MACROD2: variants seen among roughly 807,000 people sequenced by gnomAD.
The protein encoded by MACROD2 is ADP-ribose glycohydrolase MACROD2.
Under a neutral mutation model 70.4 loss-of-function variants are expected in MACROD2, and 36 were observed. The ratio of observed to expected loss-of-function variants is 0.51; its 90% CI spans 0.39 to 0.68. The LOEUF (loss-of-function observed/expected upper bound fraction) is 0.68, where lower values mean the gene tolerates loss of function less well. Among genes scored for constraint, MACROD2 ranks in the 30% least tolerant of loss-of-function variants. The pLI is 0.00. For missense variants in MACROD2, 496 were observed against 538.4 expected (o/e 0.92, Z 0.78); for synonymous variants, 172 against 178.8 (o/e 0.96, Z 0.30).
In MACROD2 at chr20:14,440,003, C is replaced by A. The variant is rs571793119; in HGVS notation, c.272-53476C>A. Among the ~76,000 whole-genome samples, 123 of 152,218 alleles carry A rather than the reference C, an allele frequency of 8.1e-4. No homozygotes were observed. The South Asian group carries it at 0.012, about 15-fold the overall frequency. ...ACAAGAGGCCACAGTAATCCCACAT[C>A]CCGTAGGTCATCTCTGAGATCACTG... On this transcript the variant is annotated intron_variant, in intron 3 of 17. Transcript: ENST00000684519.
chr20:14,059,059 C>T (rs1020996513), intron 2 of MACROD2, among the ~76,000 whole-genome samples: 16 of 152,012 alleles, frequency 1.1e-4, no homozygotes, highest in African/African-American at 3.4e-4. Flanking sequence ...AACTTTAATT[C>T]TCCTGAAAAC....
intron 5 of MACROD2, among the ~76,000 whole-genome samples, chr20:14,990,504 T>G (rs1225694401): frequency 4.0e-5 from 6 of 149,642 alleles, no homozygotes; most frequent in Non-Finnish European, 8.9e-5. Context: ...TTCCTTTTTT[T>G]TTTTCTTTTT....
At chr20:15,632,821 C>G (rs1568941329) in intron 8 of MACROD2, among the ~76,000 whole-genome samples, 1 of 151,466 alleles carries the variant, frequency 6.6e-6, no homozygotes, top group Non-Finnish European at 1.5e-5. Flanking sequence ...CTCCTTTCCT[C>G]CCTCCTTCCC....
intron 5 of MACROD2, among the ~76,000 whole-genome samples, chr20:15,135,362 C>T (rs902151170): frequency 7.2e-5 from 11 of 151,842 alleles, no homozygotes; most frequent in African/African-American, 2.7e-4. Context: ...AAAGCTTATC[C>T]ACCATGATCA....
chr20:15,536,608 T>C (rs943628140), intron 8 of MACROD2, among the ~76,000 whole-genome samples: 1 of 152,176 alleles, frequency 6.6e-6, no homozygotes, highest in Non-Finnish European at 1.5e-5. Context: ...CCATTATTCA[T>C]ATGATTAAGA....
At chr20:14,677,518 A>G (rs535911290) in intron 4 of MACROD2, among the ~76,000 whole-genome samples, 1 of 152,328 alleles carries the variant, frequency 6.6e-6, no homozygotes, top group African/African-American at 2.4e-5. Context: ...TGCCTTAGTT[A>G]ACCATCTGCC....
intron 8 of MACROD2, among the ~76,000 whole-genome samples, chr20:15,534,040 G>A (rs933701572): frequency 1.3e-5 from 2 of 152,114 alleles, no homozygotes; most frequent in Non-Finnish European, 2.9e-5. Context: ...AGGCTAAAAA[G>A]CATTTCTTTG....
chr20:14,307,558 G>A (rs183236272), intron 3 of MACROD2, among the ~76,000 whole-genome samples: 3 of 148,540 alleles, frequency 2.0e-5, no homozygotes, highest in Admixed American at 1.3e-4. Context: ...TGAAATTTGA[G>A]GTTAATAAGT....
intron 8 of MACROD2, among the ~76,000 whole-genome samples, chr20:15,509,444 G>C (rs993785330): frequency 1.3e-5 from 2 of 152,162 alleles, no homozygotes; most frequent in Non-Finnish European, 2.9e-5. Context: ...GAGAGAGAAT[G>C]CAGTTTGCTC....
At chr20:15,415,781 A>T (rs1275048136) in intron 6 of MACROD2, among the ~76,000 whole-genome samples, 1 of 152,134 alleles carries the variant, frequency 6.6e-6, no homozygotes, top group Non-Finnish European at 1.5e-5. Flanking sequence ...CATCATCCAT[A>T]TATCCATGCA....
intron 8 of MACROD2, among the ~76,000 whole-genome samples, chr20:15,683,368 C>G (rs1020230509): frequency 2.6e-5 from 4 of 152,140 alleles, no homozygotes; most frequent in African/African-American, 4.8e-5. Flanking sequence ...TGACATCATC[C>G]TAGAAATTAT....
intron 8 of MACROD2, among the ~76,000 whole-genome samples, chr20:15,798,990 C>T (rs969116026): frequency 6.6e-5 from 10 of 152,236 alleles, no homozygotes; most frequent in African/African-American, 2.4e-4. Flanking sequence ...TATGTATCAT[C>T]CATCATCCAA....
At chr20:15,932,876 T>G (rs981239825) in intron 10 of MACROD2, among the ~76,000 whole-genome samples, 1 of 152,170 alleles carries the variant, frequency 6.6e-6, no homozygotes, top group Non-Finnish European at 1.5e-5. Flanking sequence ...TTGCAGCATA[T>G]ATCATACAGA....
chr20:15,925,241 T>C (rs2147299748), intron 10 of MACROD2, among the ~76,000 whole-genome samples: 1 of 152,332 alleles, frequency 6.6e-6, no homozygotes, highest in Non-Finnish European at 1.5e-5. Flanking sequence ...GTTACTTAAT[T>C]CTCATTTGTT....
At chr20:14,176,975 T>C (rs79381354) in intron 3 of MACROD2, among the ~76,000 whole-genome samples, 199 of 152,280 alleles carry the variant, frequency 1.3e-3, no homozygotes, top group Non-Finnish European at 2.3e-3. Context: ...TAGTGAGAAA[T>C]ATGCAAAACC....
chr20:14,400,397 C>T (rs2083625510), intron 3 of MACROD2, among the ~76,000 whole-genome samples: 1 of 152,140 alleles, frequency 6.6e-6, no homozygotes, highest in South Asian at 2.1e-4. Flanking sequence ...TTTCCCCAGT[C>T]ATGTTTGAAT....
In MACROD2 at chr20:16,051,542, A is replaced by G. The variant is rs2067458601; in HGVS notation, c.*1666A>G. ...GCAAGAATGACATTTACGTGACCTC[A>G]TAATGTGGGATTATGGCCTTCTGTT... On this transcript the variant is annotated 3_prime_UTR_variant, in exon 18 of 18. Coordinates refer to ENST00000684519, the MANE Select transcript of MACROD2 (RefSeq NM_001351661.2). 6.6e-6 allele frequency: 1 copy of G among 152,206 alleles called. No homozygotes were observed. Among genetic ancestry groups the G allele is most frequent in the Non-Finnish European group, 1.5e-5 (1 of 68,038 alleles). 9.4% of individuals were successfully genotyped at this position (152,206 alleles called of 1,614,324 possible).
At chr20:14,855,043 A>T (rs1194204162) in intron 5 of MACROD2, among the ~76,000 whole-genome samples, 1 of 152,138 alleles carries the variant, frequency 6.6e-6, no homozygotes. Context: ...TACAATATAA[A>T]ATTAAGTATA....
intron 8 of MACROD2, among the ~76,000 whole-genome samples, chr20:15,797,715 A>G (rs1469236272): frequency 6.6e-6 from 1 of 152,186 alleles, no homozygotes; most frequent in Non-Finnish European, 1.5e-5. Context: ...CAGCCTTAAA[A>G]ATAATCAGGG....
Sources: allele counts gnomAD v4.1 joint callset (sites outside exome capture counted in the v4.1 genomes callset), GRCh38; gene constraint gnomAD v4.1.1; transcripts MANE v1.5; gene names NCBI Gene and HGNC (gene_info 2026-07-23, HGNC 2026-07-21).